The following PTPRD variants were observed in gnomAD, a reference collection of about 807,000 sequenced individuals.
PTPRD encodes protein tyrosine phosphatase receptor type D.
In PTPRD, 34 loss-of-function variants were observed where a neutral mutation model predicts 214.5. The observed-to-expected ratio is 0.16, with a 90% CI of 0.12 to 0.21. The LOEUF (loss-of-function observed/expected upper bound fraction) is 0.21. Ranked by LOEUF, PTPRD falls within the 10% of genes least tolerant of loss-of-function variation. The probability of loss-of-function intolerance (pLI) is 1.00; values close to 1 mark genes in which losing one functional copy is unlikely to be tolerated. For synonymous variants in PTPRD, 1,128 were observed against 845.7 expected (o/e 1.33, Z -5.79); for missense variants, 2,545 against 2,398.7 (o/e 1.06, Z -1.27).
intron 3 of PTPRD, among the ~76,000 whole-genome samples, chr9:10,229,727 A>T (rs1292296525): frequency 1.3e-5 from 2 of 151,812 alleles, no homozygotes; most frequent in Non-Finnish European, 2.9e-5. Context: ...TGGGAGGGAT[A>T]GCATCAGGAG....
intron 4 of PTPRD, among the ~76,000 whole-genome samples, chr9:10,005,829 T>C (rs1249791629): frequency 6.6e-6 from 1 of 152,070 alleles, no homozygotes; most frequent in Non-Finnish European, 1.5e-5. Flanking sequence ...CATAAAGATA[T>C]TTCATTATAG....
At chr9:9,830,255 T>C (rs1302514715) in intron 5 of PTPRD, among the ~76,000 whole-genome samples, 2 of 151,826 alleles carry the variant, frequency 1.3e-5, no homozygotes, top group East Asian at 3.9e-4. Flanking sequence ...CAAATGTCTA[T>C]TTGAAATATA....
intron 3 of PTPRD, among the ~76,000 whole-genome samples, chr9:10,097,692 A>C (rs1302955802): frequency 6.6e-6 from 1 of 151,760 alleles, no homozygotes; most frequent in Non-Finnish European, 1.5e-5. Context: ...AAACAGGGAC[A>C]ATTTGACTTC....
intron 8 of PTPRD, among the ~76,000 whole-genome samples, chr9:9,572,703 C>T (rs2086905633): frequency 6.8e-6 from 1 of 147,194 alleles, no homozygotes; most frequent in South Asian, 2.2e-4. Flanking sequence ...ATAAACATAA[C>T]CTAATAATAA....
At chr9:9,288,556 T>C (rs995709204) in intron 9 of PTPRD, among the ~76,000 whole-genome samples, 2 of 151,944 alleles carry the variant, frequency 1.3e-5, no homozygotes, top group Admixed American at 1.3e-4. Flanking sequence ...AAATTATTAA[T>C]CAATATTGTG....
chr9:9,264,228 A>G (rs767775915), intron 9 of PTPRD, among the ~76,000 whole-genome samples: 3 of 151,664 alleles, frequency 2.0e-5, no homozygotes, highest in Non-Finnish European at 3.0e-5. Context: ...ACATCTATGA[A>G]CTGCTCAACA....
chr9:9,009,759 G>A (rs1488356789), intron 11 of PTPRD, among the ~76,000 whole-genome samples: 1 of 151,880 alleles, frequency 6.6e-6, no homozygotes, highest in Non-Finnish European at 1.5e-5. Context: ...TCACATCTAG[G>A]CATAAAGCAT....
intron 2 of PTPRD, among the ~76,000 whole-genome samples, chr9:10,376,679 G>C (rs968064577): frequency 6.6e-6 from 1 of 151,764 alleles, no homozygotes; most frequent in South Asian, 2.1e-4. Flanking sequence ...TAATTTTGCA[G>C]TCAGAGAAGA....
intron 14 of PTPRD, among the ~76,000 whole-genome samples, chr9:8,584,621 A>T (rs2093482190): frequency 6.6e-6 from 1 of 152,138 alleles, no homozygotes. Context: ...ATTATGTATT[A>T]TTTTTCCAAT....
chr9:9,344,411 G>C (rs1331712512), intron 9 of PTPRD, among the ~76,000 whole-genome samples: 1 of 151,930 alleles, frequency 6.6e-6, no homozygotes, highest in Non-Finnish European at 1.5e-5. Context: ...AGGTTGATAG[G>C]TGCAGCAAAC....
chr9:10,108,380 A>G (rs1161389028), intron 3 of PTPRD, among the ~76,000 whole-genome samples: 3 of 152,022 alleles, frequency 2.0e-5, no homozygotes, highest in African/African-American at 7.2e-5. Flanking sequence ...GTTATTAACT[A>G]TAGTCACTGT....
chr9:8,481,403 G>C (rs2096882775), intron 30 of PTPRD, among the ~76,000 whole-genome samples: 1 of 152,042 alleles, frequency 6.6e-6, no homozygotes, highest in Admixed American at 6.5e-5. Flanking sequence ...TGTGTATCAG[G>C]TCTGAATTTA....
At chr9:10,586,308 C>A (rs369138497) in intron 2 of PTPRD, among the ~76,000 whole-genome samples, 5 of 151,984 alleles carry the variant, frequency 3.3e-5, no homozygotes, top group East Asian at 3.9e-4. Context: ...ACCTTTGTAA[C>A]CTTTACAAAG....
intron 3 of PTPRD, among the ~76,000 whole-genome samples, chr9:10,072,727 G>T: frequency 6.6e-6 from 1 of 152,006 alleles, no homozygotes; most frequent in East Asian, 1.9e-4. Context: ...GCTACATAGC[G>T]CTGATTGGGG....
chr9:9,514,554 A>G (rs1377416632), intron 8 of PTPRD, among the ~76,000 whole-genome samples: 1 of 152,148 alleles, frequency 6.6e-6, no homozygotes, highest in Non-Finnish European at 1.5e-5. Context: ...TGGGTGATTA[A>G]TGTCCAAGTT....
chr9:10,054,660 A>G (rs1314719180), intron 3 of PTPRD, among the ~76,000 whole-genome samples: 1 of 152,126 alleles, frequency 6.6e-6, no homozygotes, highest in African/African-American at 2.4e-5. Flanking sequence ...GGAGAGTAGG[A>G]GTCTAACTTC....
chr9:10,489,313 G>A lies in PTPRD; in HGVS notation c.-600+123085C>T, dbSNP rs557198502. On this transcript the variant is annotated intron_variant, in intron 2 of 45. Transcript: ENST00000381196. ...CCTGACTGGCACCTTATCCTACTGCGGCTGAGCTGGTATCCAAGATGCAAA... is the reference window on the plus strand; with the variant it reads ...CCTGACTGGCACCTTATCCTACTGCAGCTGAGCTGGTATCCAAGATGCAAA... 8.5e-5 allele frequency among the ~76,000 whole-genome samples: 13 copies of A among 152,212 alleles called. No homozygotes were observed. In the South Asian group the frequency reaches 2.3e-3, roughly 27 times the overall value.
intron 2 of PTPRD, among the ~76,000 whole-genome samples, chr9:10,516,571 G>A (rs2050186561): frequency 6.6e-6 from 1 of 151,788 alleles, no homozygotes; most frequent in Non-Finnish European, 1.5e-5. Context: ...AAGGTTTTTA[G>A]TTTTATGTAG....
intron 9 of PTPRD, among the ~76,000 whole-genome samples, chr9:9,186,012 C>T (rs949572276): frequency 1.3e-5 from 2 of 151,878 alleles, no homozygotes; most frequent in Non-Finnish European, 2.9e-5. Flanking sequence ...AAAATGTAAT[C>T]CTTTCTAAGC....
Sources: gnomAD v4.1 joint callset for allele counts (sites outside exome capture counted in the v4.1 genomes callset) on GRCh38, gnomAD v4.1.1 for gene constraint, MANE v1.5 for transcripts, NCBI Gene and HGNC (gene_info 2026-07-23, HGNC 2026-07-21) for gene names.